The following HECW1 variants were observed in gnomAD, a reference collection of about 807,000 sequenced individuals.
HECW1 encodes E3 ubiquitin-protein ligase HECW1.
In HECW1, 61 loss-of-function variants were observed where a neutral mutation model predicts 182.3. The observed-to-expected ratio is 0.33, with a 90% confidence interval of 0.27 to 0.41. HECW1 has a LOEUF of 0.41. Among genes scored for constraint, HECW1 ranks in the 10% least tolerant of loss-of-function variants. HECW1 has a pLI of 1.00. For synonymous variants in HECW1, 859 were observed against 832.6 expected (o/e 1.03, Z -0.55); for missense variants, 1,739 against 2,108.9 (o/e 0.82, Z 3.44).
In HECW1 at chr7:43,445,097, A is replaced by T. The variant is rs778158458; in HGVS notation, c.1925A>T (p.Asn642Ile). 6 of 1,605,410 alleles carry T rather than the reference A, an allele frequency of 3.7e-6. No homozygotes were observed. Among genetic ancestry groups the T allele is most frequent in the Non-Finnish European group, 4.2e-6 (5 of 1,177,394 alleles). Residue 642 changes from asparagine to isoleucine, a missense_variant, in exon 11 of 30, where the codon AAT becomes ATT. By Grantham distance (149) the Asn-to-Ile change is moderately radical. Coordinates refer to ENST00000395891, the MANE Select transcript of HECW1 (RefSeq NM_015052.5). ...HSGGHFPSLA[N>I]GAAQDGDTHP... The stretch of plus-strand genomic sequence containing the variant: ...GGGGGCCACTTCCCCAGCCTGGCCA[A>T]TGGCGCGGCCCAGGATGGCGACACG...
rs1396561125 is a variant in HECW1 at position 43,444,959 on chromosome 7, A to G, written c.1787A>G (p.Glu596Gly). The change falls in exon 11 of 30, where the codon GAG (glutamate) becomes GGG (glycine). Residue 596 changes from glutamate (E) to glycine (G), a missense_variant. Glu to Gly is a moderately conservative substitution (Grantham distance 98). This residue lies in a region of HECW1 where 971 missense variants were observed against 1,029.1 expected (regional missense o/e 0.94). Coordinates refer to ENST00000395891, the MANE Select transcript of HECW1 (RefSeq NM_015052.5). This position sits in a 1 kb window ranked among gnomAD's most constrained non-coding sequence, Gnocchi z 4.3. ...GAGTCCACCCTCAAGGACTCCTCGG[A>G]GAAGGATGGGCTCAGCGAGGTGGAC... ...EEESTLKDSS[E>G]KDGLSEVDTV... 1 of 1,573,478 alleles carries G rather than the reference A, an allele frequency of 6.4e-7. No individual in the cohort carries two copies. The highest frequency in any genetic ancestry group is 1.2e-5 in the South Asian group (1 of 84,602).
chr7:43,536,513 C>G (rs1462730067), intron 24 of HECW1, among the ~76,000 whole-genome samples: 2 of 152,210 alleles, frequency 1.3e-5, no homozygotes, highest in Admixed American at 6.5e-5. Flanking sequence ...TGCATGTGCA[C>G]CTGCTGGGTA....
chr7:43,453,380 C>T (rs2077298215), intron 12 of HECW1, among the ~76,000 whole-genome samples: 1 of 152,048 alleles, frequency 6.6e-6, no homozygotes, highest in African/African-American at 2.4e-5. Context: ...CAAAAATGAC[C>T]TAAGAGTTTC....
chr7:43,365,929 A>G (rs1816585442), intron 6 of HECW1, among the ~76,000 whole-genome samples: 1 of 152,134 alleles, frequency 6.6e-6, no homozygotes, highest in Non-Finnish European at 1.5e-5. Context: ...CCCCATCTCT[A>G]TAAAAAAATA....
chr7:43,172,371 A>G (rs1390770131), intron 2 of HECW1, among the ~76,000 whole-genome samples: 1 of 151,856 alleles, frequency 6.6e-6, no homozygotes, highest in African/African-American at 2.4e-5. Flanking sequence ...AAAATTTTCT[A>G]TTTTTAGAAA....
chr7:43,386,457 C>T (rs569610675), intron 6 of HECW1, among the ~76,000 whole-genome samples: 7 of 152,340 alleles, frequency 4.6e-5, no homozygotes, highest in African/African-American at 1.7e-4. Context: ...TAACTACCCA[C>T]ATGATACAGA....
At chr7:43,217,795 A>C (rs1053180609) in intron 2 of HECW1, among the ~76,000 whole-genome samples, 1 of 152,154 alleles carries the variant, frequency 6.6e-6, no homozygotes, top group African/African-American at 2.4e-5. Flanking sequence ...CCCACCACTC[A>C]TGTCTTTTAG....
intron 2 of HECW1, among the ~76,000 whole-genome samples, chr7:43,177,005 G>T (rs1187005079): frequency 6.6e-6 from 1 of 152,100 alleles, no homozygotes; most frequent in African/African-American, 2.4e-5. Context: ...ATTATAACAA[G>T]CTCTCTGGCT....
intron 6 of HECW1, among the ~76,000 whole-genome samples, chr7:43,385,533 AG>A: frequency 6.7e-6 from 1 of 149,372 alleles, no homozygotes; most frequent in Admixed American, 6.6e-5. Context: ...AGCCTGGGGC[AG>A]CTCCTACACC....
intron 26 of HECW1, among the ~76,000 whole-genome samples, chr7:43,544,838 G>C (rs1262578746): frequency 6.6e-6 from 1 of 152,008 alleles, no homozygotes; most frequent in South Asian, 2.1e-4. Flanking sequence ...GCAATAAACA[G>C]GGTACACTAA....
chr7:43,455,171 A>G (rs893011369), intron 12 of HECW1, among the ~76,000 whole-genome samples: 13 of 152,136 alleles, frequency 8.5e-5, no homozygotes, highest in African/African-American at 3.1e-4. Flanking sequence ...AAGCAAGGGA[A>G]CTTTTCTTTA....
chr7:43,367,307 C>T (rs775170306), intron 6 of HECW1, among the ~76,000 whole-genome samples: 16 of 152,204 alleles, frequency 1.1e-4, no homozygotes, highest in Non-Finnish European at 2.1e-4. Context: ...ATCACCAATA[C>T]TTAGCTAACC....
intron 24 of HECW1, chr7:43,509,943 A>G (rs1225393381): frequency 2.0e-5 from 3 of 152,274 alleles, no homozygotes; most frequent in African/African-American, 7.2e-5. Context: ...CCAAGTTCCT[A>G]TAGTTTGGCT....
At chr7:43,248,566 ACT>A (rs1218806943) in intron 3 of HECW1, 1 of 152,336 alleles carries the variant, frequency 6.6e-6, no homozygotes, top group African/African-American at 2.4e-5. Flanking sequence ...CTCTCTTCTA[ACT>A]CTGCAGTTTG....
rs1799041413 is a variant in HECW1, at chr7:43,243,097, G to C, written c.-31-778G>C. ...CATAGACTGCTTTTTTCTGGAATCAGGCCACATTGATTATTTTCATGGTGA... is the reference window on the plus strand; with the variant it reads ...CATAGACTGCTTTTTTCTGGAATCACGCCACATTGATTATTTTCATGGTGA... On this transcript the variant is annotated intron_variant, in intron 2 of 29. Coordinates refer to ENST00000395891, the MANE Select transcript of HECW1 (RefSeq NM_015052.5). The surrounding 1 kb of genome is among the most constrained non-coding windows in gnomAD (Gnocchi z 4.0). 6.6e-6 allele frequency among the ~76,000 whole-genome samples: 1 copy of C among 152,232 alleles called. No homozygotes were observed. The highest frequency in any genetic ancestry group is 2.1e-4 in the South Asian group (1 of 4,820).
chr7:43,463,743 G>A lies in HECW1; in HGVS notation c.2735G>A (p.Gly912Glu). The A allele has an allele frequency of 6.2e-7, 1 of 1,614,068 alleles. No homozygotes were observed. Among genetic ancestry groups the A allele is most frequent in the Non-Finnish European group, 8.5e-7 (1 of 1,180,020 alleles). ...GSQSCEQAPA[G>E]GGGGGGSDSE... ...CAAAGCTGCGAGCAAGCCCCAGCAG[G>A]AGGAGGCGGAGGTGGAGGGAGTGAC... Residue 912 changes from glycine to glutamate, a missense_variant, in exon 14 of 30, where the codon GGA becomes GAA. Transcript: ENST00000395891.
chr7:43,411,177 A>G (rs1377940438), intron 8 of HECW1, among the ~76,000 whole-genome samples: 1 of 151,868 alleles, frequency 6.6e-6, no homozygotes, highest in African/African-American at 2.4e-5. Context: ...ATAAATTTGT[A>G]TATAATTTAT....
Position 43,444,152 on chromosome 7 carries a change from C to T in HECW1, c.1046-66C>T, listed in dbSNP as rs1003962994. The T allele has an allele frequency of 5.4e-6, 8 of 1,471,656 alleles. No individual in the cohort carries two copies. The East Asian group carries it at 1.8e-4, about 34-fold the overall frequency. The allele number at this position is 1,471,656 out of a possible 1,614,324, so 91.2% of individuals were successfully genotyped here. A position where few individuals can be genotyped will look rare whatever the true frequency, so the allele number is the denominator to read the frequency against. The stretch of plus-strand genomic sequence containing the variant: ...CCTTAGTGATGGCTTACATGTCCCA[C>T]AGGGTATCCTAACACCACAATGCTC... On this transcript the variant is annotated intron_variant, in intron 10 of 29. Transcript: ENST00000395891. The surrounding 1 kb of genome is among the most constrained non-coding windows in gnomAD (Gnocchi z 4.3).
At chr7:43,194,983 C>T (rs1337823163) in intron 2 of HECW1, among the ~76,000 whole-genome samples, 7 of 152,104 alleles carry the variant, frequency 4.6e-5, no homozygotes, top group Admixed American at 1.3e-4. Context: ...CATGAGCGCC[C>T]GCTACCTCAT....
Sources: allele counts gnomAD v4.1 joint callset (sites outside exome capture counted in the v4.1 genomes callset), GRCh38; gene constraint gnomAD v4.1.1; regional missense constraint gnomAD v4.1.1; non-coding constraint Gnocchi (gnomAD v3.1); transcripts MANE v1.5; gene names NCBI Gene and HGNC (gene_info 2026-07-23, HGNC 2026-07-21).